Variants in SHROOM3 observed in about 807,000 individuals in gnomAD.
SHROOM3 encodes the protein shroom family member 3, also known as protein Shroom3.
Under a neutral mutation model 138.6 loss-of-function variants are expected in SHROOM3, and 47 were observed. That is an observed-to-expected ratio of 0.34 (90% CI 0.27 to 0.43). The LOEUF (loss-of-function observed/expected upper bound fraction) is 0.43, where lower values mean the gene tolerates loss of function less well. Among genes scored for constraint, SHROOM3 ranks in the 20% least tolerant of loss-of-function variants. SHROOM3 has a pLI of 1.00. For synonymous variants in SHROOM3, 1,062 were observed against 1,063.3 expected, an observed-to-expected ratio of 1.00 and a Z score of 0.02; for missense variants, 2,491 against 2,596.5, an observed-to-expected ratio of 0.96 and a Z score of 0.88.
At chr4:76,696,097 A>G (rs1719716317) in intron 2 of SHROOM3, among the ~76,000 whole-genome samples, 1 of 152,188 alleles carries the variant, frequency 6.6e-6, no homozygotes, top group Non-Finnish European at 1.5e-5. Context: ...ATGGGGAAAA[A>G]ATAAATCTGG....
At chr4:76,644,785 C>T (rs1735776479) in intron 2 of SHROOM3, among the ~76,000 whole-genome samples, 1 of 152,096 alleles carries the variant, frequency 6.6e-6, no homozygotes, top group African/African-American at 2.4e-5. Context: ...TTTGCAATTA[C>T]CAGAGCAACA....
intron 1 of SHROOM3, among the ~76,000 whole-genome samples, chr4:76,552,017 A>G (rs1268119158): frequency 7.2e-4 from 83 of 115,648 alleles, no homozygotes; most frequent in East Asian, 1.5e-3. Context: ...GCCCGCCATC[A>G]CGCCCGGCTA....
chr4:76,603,944 G>C (rs1386871295), intron 2 of SHROOM3, among the ~76,000 whole-genome samples: 2 of 148,424 alleles, frequency 1.3e-5, no homozygotes, highest in East Asian at 4.0e-4. Flanking sequence ...CCTGGTTCAA[G>C]TGATTCTCCT....
At chr4:76,441,086 G>GATTTTT (rs1730659977) in intron 1 of SHROOM3, among the ~76,000 whole-genome samples, 1 of 82,180 alleles carries the variant, frequency 1.2e-5, no homozygotes. Context: ...AGTTCAATTT[G>GATTTTT]TTTTTTTTTT....
intron 3 of SHROOM3, among the ~76,000 whole-genome samples, chr4:76,723,355 C>G (rs988854648): frequency 6.6e-6 from 1 of 152,152 alleles, no homozygotes; most frequent in Non-Finnish European, 1.5e-5. Context: ...ACTCATTCCT[C>G]CTCTCAAGGA....
intron 1 of SHROOM3, among the ~76,000 whole-genome samples, chr4:76,439,545 C>A (rs1310893151): frequency 1.3e-5 from 2 of 151,994 alleles, no homozygotes; most frequent in African/African-American, 4.8e-5. Flanking sequence ...AATGTGGTGG[C>A]TGATCATGCG....
At position 76,759,488 on chromosome 4, in the gene SHROOM3, G is replaced by A. The variant is rs1250702940; in HGVS notation, c.5199-57G>A. ...TTCTGAATGGACTGACATCTGCAGT[G>A]AAACAAAGCCTCTGGCGTGATCTGT... On this transcript the variant is annotated intron_variant, in intron 8 of 10. Coordinates refer to ENST00000296043, the MANE Select transcript of SHROOM3 (RefSeq NM_020859.4). The A allele has an allele frequency of 4.3e-6, 7 of 1,610,452 alleles. No individual in the cohort carries two copies. The African/African-American group carries it at 9.3e-5, about 22-fold the overall frequency.
rs541645799 is a variant in SHROOM3 at position 76,696,440 on chromosome 4, C to T, written c.324-13716C>T. ...CTGGCTGGGGCGGAGGCCATTGATC[C>T]GCAGCTGGATTTGTGAAATGGGGTC... is the stretch of plus-strand genomic sequence containing the variant. On this transcript the variant is annotated intron_variant, in intron 2 of 10. Coordinates refer to ENST00000296043, the MANE Select transcript of SHROOM3 (RefSeq NM_020859.4). Among the ~76,000 whole-genome samples, 32 of 152,292 alleles carry T rather than the reference C, an allele frequency of 2.1e-4. 1 individual carries two copies. The highest frequency in any genetic ancestry group is 7.7e-4 in the African/African-American group (32 of 41,562).
At chr4:76,676,385 T>C (rs1166449666) in intron 2 of SHROOM3, among the ~76,000 whole-genome samples, 1 of 152,168 alleles carries the variant, frequency 6.6e-6, no homozygotes, top group Non-Finnish European at 1.5e-5. Flanking sequence ...GCAGAATCCC[T>C]GCTCCTAAAA....
intron 9 of SHROOM3, among the ~76,000 whole-genome samples, chr4:76,766,365 C>T (rs1471773502): frequency 6.6e-6 from 1 of 152,186 alleles, no homozygotes; most frequent in African/African-American, 2.4e-5. Flanking sequence ...CCTCCTGCCT[C>T]CTTGTCCAGT....
rs749222616 is a variant in SHROOM3, at chr4:76,741,477, G to A, written c.3304G>A (p.Ala1102Thr). ...RKTGKRPTSA[A>T]GCSLQEPGPL... ...GACCGGCAAGCGGCCTACCTCCGCCGCCGGCTGCAGCCTCCAGGAGCCCGG... is the reference window on the plus strand; with the variant it reads ...GACCGGCAAGCGGCCTACCTCCGCCACCGGCTGCAGCCTCCAGGAGCCCGG... Residue 1102 changes from alanine (A) to threonine (T), a missense_variant, in exon 5 of 11, where the codon GCC (alanine) becomes ACC (threonine). This residue lies in a region of SHROOM3 where 1,733 missense variants were observed against 1,661.6 expected (regional missense o/e 1.04). Coordinates refer to ENST00000296043, the MANE Select transcript of SHROOM3 (RefSeq NM_020859.4). The surrounding 1 kb of genome is among the most constrained non-coding windows in gnomAD (Gnocchi z 6.2). 5 of 1,559,150 alleles carry A rather than the reference G, an allele frequency of 3.2e-6. No individual in the cohort carries two copies. The highest frequency in any genetic ancestry group is 4.3e-6 in the Non-Finnish European group (5 of 1,156,286).
chr4:76,772,324 G>A (rs1297286079), intron 10 of SHROOM3, among the ~76,000 whole-genome samples: 1 of 151,730 alleles, frequency 6.6e-6, no homozygotes, highest in African/African-American at 2.4e-5. Flanking sequence ...GGCTGGTCTC[G>A]AACTCCTGAC....
chr4:76,704,313 G>C (rs1158302970), intron 2 of SHROOM3, among the ~76,000 whole-genome samples: 1 of 152,246 alleles, frequency 6.6e-6, no homozygotes, highest in Admixed American at 6.5e-5. Flanking sequence ...AGAAAAGCCA[G>C]AGGTGGACCC....
chr4:76,489,326 T>C (rs1194354532), intron 1 of SHROOM3, among the ~76,000 whole-genome samples: 2 of 152,138 alleles, frequency 1.3e-5, no homozygotes, highest in Admixed American at 1.3e-4. Context: ...GAAGTCAAAT[T>C]AAGAGCAGTT....
intron 2 of SHROOM3, among the ~76,000 whole-genome samples, chr4:76,670,574 A>T (rs1054320593): frequency 2.0e-5 from 3 of 152,174 alleles, no homozygotes; most frequent in African/African-American, 7.2e-5. Context: ...AAGGCATTTT[A>T]TTTGAAAAAT....
chr4:76,483,432 C>T (rs1365312596), intron 1 of SHROOM3, among the ~76,000 whole-genome samples: 3 of 152,124 alleles, frequency 2.0e-5, no homozygotes. Context: ...AAATGCAAAT[C>T]AAAACCACAA....
intron 2 of SHROOM3, among the ~76,000 whole-genome samples, chr4:76,634,906 T>A (rs1303614065): frequency 1.3e-5 from 2 of 152,330 alleles, no homozygotes; most frequent in Non-Finnish European, 2.9e-5. Context: ...AAGAATCTTT[T>A]TGTGACAATT....
chr4:76,606,160 C>A (rs1734617337), intron 2 of SHROOM3, among the ~76,000 whole-genome samples: 1 of 149,782 alleles, frequency 6.7e-6, no homozygotes, highest in Non-Finnish European at 1.5e-5. Flanking sequence ...ATTACAGGCG[C>A]CTGCCACCAC....
chr4:76,696,318 C>T (rs1374186789), intron 2 of SHROOM3, among the ~76,000 whole-genome samples: 1 of 152,218 alleles, frequency 6.6e-6, no homozygotes, highest in Non-Finnish European at 1.5e-5. Flanking sequence ...TTCCCTCTAA[C>T]ATTAAGCCCT....
Sources: gnomAD v4.1 joint callset for allele counts (sites outside exome capture counted in the v4.1 genomes callset) on GRCh38, gnomAD v4.1.1 for gene constraint, gnomAD v4.1.1 regional missense constraint, Gnocchi (gnomAD v3.1) non-coding constraint, MANE v1.5 for transcripts, NCBI Gene and HGNC (gene_info 2026-07-23, HGNC 2026-07-21) for gene names.